Variants in SGCD observed in about 807,000 individuals in gnomAD.
SGCD encodes the protein delta-sarcoglycan.
SGCD carries 18 observed loss-of-function variants against 36.6 expected under a neutral mutation model. The ratio of observed to expected loss-of-function variants is 0.49; its 90% CI spans 0.34 to 0.73. The LOEUF is 0.73. Ranked by LOEUF, SGCD falls within the 30% of genes least tolerant of loss-of-function variation. The probability of loss-of-function intolerance (pLI) is 0.01; values close to 1 mark genes in which losing one functional copy is unlikely to be tolerated. For missense variants in SGCD, 387 were observed against 346.7 expected (o/e 1.12, Z -0.92); for synonymous variants, 133 against 130.6 (o/e 1.02, Z -0.12).
chr5:156,669,614 G>T (rs1184287178), intron 7 of SGCD, among the ~76,000 whole-genome samples: 1 of 152,198 alleles, frequency 6.6e-6, no homozygotes, highest in Non-Finnish European at 1.5e-5. Flanking sequence ...CAGCCTTCAA[G>T]ACAGGGTATT....
chr5:156,074,914 A>G (rs930718575), intron 1 of SGCD, among the ~76,000 whole-genome samples: 3 of 152,234 alleles, frequency 2.0e-5, no homozygotes, highest in Admixed American at 2.0e-4. Flanking sequence ...ATAAGCACAT[A>G]TCATGGTAAT....
chr5:156,552,258 TG>T (rs1758830815), intron 4 of SGCD, among the ~76,000 whole-genome samples: 1 of 152,152 alleles, frequency 6.6e-6, no homozygotes, highest in Non-Finnish European at 1.5e-5. Flanking sequence ...AATGTGTAAG[TG>T]GGTTTCTTCT....
chr5:156,652,907 G>A (rs1389389134), intron 7 of SGCD, among the ~76,000 whole-genome samples: 1 of 151,950 alleles, frequency 6.6e-6, no homozygotes, highest in Non-Finnish European at 1.5e-5. Context: ...TTATTGATTT[G>A]CATATGTTGA....
At chr5:156,330,239 C>T (rs1301379599) in intron 2 of SGCD, among the ~76,000 whole-genome samples, 2 of 151,928 alleles carry the variant, frequency 1.3e-5, no homozygotes, top group Non-Finnish European at 2.9e-5. Flanking sequence ...GCAAATATTC[C>T]AAAAATCCAA....
At chr5:156,135,991 A>G (rs1762447216) in intron 3 of SGCD, among the ~76,000 whole-genome samples, 1 of 152,196 alleles carries the variant, frequency 6.6e-6, no homozygotes, top group Admixed American at 6.5e-5. Context: ...TAGACAAATG[A>G]CTCATTACTA....
intron 7 of SGCD, among the ~76,000 whole-genome samples, chr5:156,709,616 G>A (rs2113750474): frequency 6.6e-6 from 1 of 152,218 alleles, no homozygotes; most frequent in African/African-American, 2.4e-5. Context: ...GAGTGTCTGG[G>A]GAACTGCTTT....
intron 3 of SGCD, among the ~76,000 whole-genome samples, chr5:156,446,577 C>T (rs1442703577): frequency 6.6e-6 from 1 of 152,178 alleles, no homozygotes; most frequent in African/African-American, 2.4e-5. Context: ...ACAGGGTTTA[C>T]TTCCCTAATT....
At chr5:155,879,986 AT>A (rs978716019) in intron 1 of SGCD, among the ~76,000 whole-genome samples, 218 of 152,264 alleles carry the variant, frequency 1.4e-3, no homozygotes, top group African/African-American at 5.0e-3. Flanking sequence ...AAGAAGCTGG[AT>A]TGGGGGAGTT....
chr5:156,253,474 T>C (rs571695461), intron 3 of SGCD, among the ~76,000 whole-genome samples: 1 of 152,190 alleles, frequency 6.6e-6, no homozygotes. Flanking sequence ...AATTCAAGAC[T>C]AAGAATTATT....
At chr5:155,840,994 G>C in the SGCD span, among the ~76,000 whole-genome samples, 3 of 130,212 alleles carry the variant, frequency 2.3e-5, no homozygotes, top group African/African-American at 9.1e-5. Context: ...CTGCGTGACA[G>C]AGCGAGACTC....
chr5:155,754,912 A>T, the SGCD span, among the ~76,000 whole-genome samples: 1 of 152,128 alleles, frequency 6.6e-6, no homozygotes, highest in African/African-American at 2.4e-5. Context: ...GACTTTCCAG[A>T]TACAAATGCT....
chr5:156,212,500 C>T (rs530159123), intron 3 of SGCD, among the ~76,000 whole-genome samples: 1 of 152,104 alleles, frequency 6.6e-6, no homozygotes, highest in East Asian at 1.9e-4. Context: ...ATATGTGAAA[C>T]AAATATTAAT....
chr5:156,122,294 T>G (rs915948797), intron 2 of SGCD, among the ~76,000 whole-genome samples: 1 of 152,190 alleles, frequency 6.6e-6, no homozygotes, highest in Non-Finnish European at 1.5e-5. Context: ...ATACCCGAGA[T>G]AGAATTTCTT....
intron 4 of SGCD, among the ~76,000 whole-genome samples, chr5:156,531,266 G>A (rs1757878352): frequency 6.6e-6 from 1 of 152,136 alleles, no homozygotes; most frequent in Non-Finnish European, 1.5e-5. Context: ...TGAACCTGCT[G>A]GAACCATGAT....
At chr5:156,105,880 A>G (rs988183185) in intron 1 of SGCD, among the ~76,000 whole-genome samples, 2 of 151,914 alleles carry the variant, frequency 1.3e-5, no homozygotes, top group Non-Finnish European at 2.9e-5. Flanking sequence ...TGGGAGGCCA[A>G]GGCGGGTGGA....
chr5:156,489,245 T>C (rs1176647840), intron 3 of SGCD, among the ~76,000 whole-genome samples: 1 of 152,086 alleles, frequency 6.6e-6, no homozygotes, highest in Non-Finnish European at 1.5e-5. Context: ...CAAATATTAT[T>C]GGATCTAAAG....
chr5:156,087,455 A>G (rs183990926), intron 1 of SGCD, among the ~76,000 whole-genome samples: 1 of 152,136 alleles, frequency 6.6e-6, no homozygotes, highest in Non-Finnish European at 1.5e-5. Context: ...CCTCGCCAAC[A>G]TGGTGAAATC....
At chr5:156,187,142 T>C (rs1763780282) in intron 3 of SGCD, among the ~76,000 whole-genome samples, 1 of 152,110 alleles carries the variant, frequency 6.6e-6, no homozygotes, top group African/African-American at 2.4e-5. Context: ...AAACCCAGTA[T>C]AAACAGGATA....
chr5:155,731,032 A>G, the SGCD span, among the ~76,000 whole-genome samples: 1 of 152,168 alleles, frequency 6.6e-6, no homozygotes, highest in Non-Finnish European at 1.5e-5. Flanking sequence ...CAAGAGGAGA[A>G]TGGGCAGGGA....
Sources: gnomAD v4.1 joint callset for allele counts (sites outside exome capture counted in the v4.1 genomes callset) on GRCh38, gnomAD v4.1.1 for gene constraint, MANE v1.5 for transcripts, NCBI Gene and HGNC (gene_info 2026-07-23, HGNC 2026-07-21) for gene names.